The following PKD1L1 variants were observed in gnomAD, a reference collection of about 807,000 sequenced individuals.
PKD1L1 encodes the protein polycystin-1-like protein 1.
Under a neutral mutation model 323.4 loss-of-function variants are expected in PKD1L1, and 236 were observed. The ratio of observed to expected loss-of-function variants is 0.73; its 90% CI spans 0.66 to 0.81. PKD1L1 has a LOEUF of 0.81. Among genes scored for constraint, PKD1L1 ranks in the 40% least tolerant of loss-of-function variants. The probability of loss-of-function intolerance (pLI) is 0.00; values close to 1 mark genes in which losing one functional copy is unlikely to be tolerated. For missense variants in PKD1L1, 3,320 were observed against 3,508.0 expected (o/e 0.95, Z 1.35); for synonymous variants, 1,344 against 1,335.0 (o/e 1.01, Z -0.15).
chr7:47,780,466 T>C (rs1786666501), intron 56 of PKD1L1, among the ~76,000 whole-genome samples: 1 of 152,098 alleles, frequency 6.6e-6, no homozygotes, highest in Admixed American at 6.6e-5. Flanking sequence ...AACCCGTCTC[T>C]ACTAAAAATA....
intron 1 of PKD1L1, among the ~76,000 whole-genome samples, chr7:47,944,217 C>A (rs1332501071): frequency 6.6e-6 from 1 of 152,134 alleles, no homozygotes; most frequent in East Asian, 1.9e-4. Flanking sequence ...TTGGTGCTGT[C>A]TTTGTGAGTT....
intron 21 of PKD1L1, among the ~76,000 whole-genome samples, 194 bp downstream of exon 21, chr7:47,880,534 G>GTGATCT: frequency 8.0e-6 from 1 of 124,524 alleles, no homozygotes; most frequent in African/African-American, 3.8e-5. Context: ...TGCCTGCCTC[G>GTGATCT]GCCTCCCAAA....
At chr7:47,960,554 G>C in the PKD1L1 span, among the ~76,000 whole-genome samples, 4 of 151,586 alleles carry the variant, frequency 2.6e-5, no homozygotes, top group African/African-American at 9.7e-5. Context: ...CAGAACTCTG[G>C]ACAGCTGATC....
Position 47,853,124 on chromosome 7 carries a change from G to T in PKD1L1, c.4960+3C>A. The T allele has an allele frequency of 6.2e-7, 1 of 1,601,140 alleles. No homozygotes were observed. The highest frequency in any genetic ancestry group is 1.1e-5 in the South Asian group (1 of 90,824). ...GGGAAAATAAGGCGCCCTGTTCACT[G>T]ACCTTTCTGAGAAGCAGCAGGTATA... On this transcript the variant is annotated splice_donor_region_variant and intron_variant, in intron 31 of 56. Transcript: ENST00000289672.
chr7:47,880,096 G>A (rs1015471788), intron 21 of PKD1L1, among the ~76,000 whole-genome samples: 5 of 150,602 alleles, frequency 3.3e-5, no homozygotes, highest in Non-Finnish European at 4.4e-5. Flanking sequence ...AGGGTAAGGC[G>A]AGGCCTGTGG....
intron 17 of PKD1L1, among the ~76,000 whole-genome samples, chr7:47,887,007 C>A (rs753300093): frequency 6.6e-6 from 1 of 151,974 alleles, no homozygotes; most frequent in Non-Finnish European, 1.5e-5. Flanking sequence ...TGAGACATAT[C>A]TAGGGGCCAT....
intron 43 of PKD1L1, 86 bp from the exon 44 acceptor site, chr7:47,829,687 G>T: frequency 7.4e-7 from 1 of 1,345,068 alleles, no homozygotes; most frequent in South Asian, 1.4e-5. Context: ...CCCTAATCAT[G>T]AACAGGACTC....
At chr7:47,799,332 G>C (rs1471254144) in intron 54 of PKD1L1, among the ~76,000 whole-genome samples, 1 of 152,174 alleles carries the variant, frequency 6.6e-6, no homozygotes, top group Non-Finnish European at 1.5e-5. Flanking sequence ...GGGCCTGAGT[G>C]TTGTCAAGGT....
chr7:47,781,265 C>T (rs1173514082), intron 56 of PKD1L1, among the ~76,000 whole-genome samples: 2 of 151,976 alleles, frequency 1.3e-5, no homozygotes, highest in Non-Finnish European at 2.9e-5. Flanking sequence ...CTGTTGAATT[C>T]TGAGGCTTCT....
intron 31 of PKD1L1, among the ~76,000 whole-genome samples, chr7:47,851,786 G>A (rs1250203436): frequency 2.0e-5 from 3 of 152,000 alleles, no homozygotes; most frequent in African/African-American, 7.3e-5. Context: ...TTTCCTGAAT[G>A]TACAACATGC....
intron 41 of PKD1L1, among the ~76,000 whole-genome samples, chr7:47,832,844 T>C (rs1299680893): frequency 6.6e-6 from 1 of 151,980 alleles, no homozygotes; most frequent in Non-Finnish European, 1.5e-5. Context: ...AAAAAGGTTA[T>C]GAGTGTATTA....
chr7:47,863,092 G>A (rs184578075), intron 26 of PKD1L1, among the ~76,000 whole-genome samples: 63 of 152,288 alleles, frequency 4.1e-4, no homozygotes, highest in Middle Eastern at 3.4e-3. Flanking sequence ...TTCTAGCTAC[G>A]TGTTTGAGGA....
At chr7:47,935,650 A>C (rs1787854432) in intron 4 of PKD1L1, among the ~76,000 whole-genome samples, 1 of 152,236 alleles carries the variant, frequency 6.6e-6, no homozygotes, top group African/African-American at 2.4e-5. Context: ...CTAGGGGCTG[A>C]ATCATGTGCG....
rs1416818182 is a variant in PKD1L1, at chr7:47,932,038, G to T, written c.417C>A (p.Phe139Leu). 1 of 1,611,408 alleles carries T rather than the reference G, an allele frequency of 6.2e-7. No individual in the cohort carries two copies. Among genetic ancestry groups the T allele is most frequent in the Admixed American group, 1.7e-5 (1 of 59,608 alleles). Reference protein sequence around the residue: ...NSADRIPHKPFIIIARAWSSG... With the variant: ...NSADRIPHKPLIIIARAWSSG... The stretch of plus-strand genomic sequence containing the variant: ...TGCTCCAGGCCCTTGCGATTATAAT[G>T]AAAGGTTTGTGGGGAATTCTGTATG... Residue 139 changes from phenylalanine (F) to leucine (L), a missense_variant, in exon 5 of 57, where the codon TTC becomes TTA. Transcript: ENST00000289672.
chr7:47,788,671 C>T (rs1786869522), intron 56 of PKD1L1, among the ~76,000 whole-genome samples: 1 of 150,938 alleles, frequency 6.6e-6, no homozygotes, highest in Non-Finnish European at 1.5e-5. Context: ...TCTCGGCTCA[C>T]AGCAATCTCC....
At chr7:47,922,727 C>T (rs1177873474) in intron 7 of PKD1L1, among the ~76,000 whole-genome samples, 1 of 136,736 alleles carries the variant, frequency 7.3e-6, no homozygotes, top group Non-Finnish European at 1.5e-5. Flanking sequence ...GCCGCCCCGT[C>T]CGGCCAGCCG....
intron 56 of PKD1L1, among the ~76,000 whole-genome samples, chr7:47,780,730 G>A (rs1423389997): frequency 6.6e-6 from 1 of 152,206 alleles, no homozygotes; most frequent in African/African-American, 2.4e-5. Flanking sequence ...CACCCAGGTG[G>A]CTGTGTGGAT....
At chr7:47,805,450 C>T (rs1055897862) in intron 52 of PKD1L1, among the ~76,000 whole-genome samples, 3 of 152,238 alleles carry the variant, frequency 2.0e-5, no homozygotes, top group Non-Finnish European at 4.4e-5. Context: ...ACAAACAGCA[C>T]AACAGGTGCC....
chr7:47,796,274 A>C lies in PKD1L1; in HGVS notation c.8194-124T>G, dbSNP rs369839897. On this transcript the variant is annotated intron_variant, in intron 54 of 56. Transcript: ENST00000289672. ...GATGCTACTTTACGAGCTTTTGGTA[A>C]AATAGTGATTTCTTGGTGAAAAAAA... 303 of 976,132 alleles carry C rather than the reference A, an allele frequency of 3.1e-4. 1 individual carries two copies. In the African/African-American group the frequency reaches 4.6e-3, roughly 15 times the overall value. The allele number at this position is 976,132 out of a possible 1,614,324, so 60.5% of individuals were successfully genotyped here.
Sources: allele counts gnomAD v4.1 joint callset (sites outside exome capture counted in the v4.1 genomes callset), GRCh38; gene constraint gnomAD v4.1.1; transcripts MANE v1.5; gene names NCBI Gene and HGNC (gene_info 2026-07-23, HGNC 2026-07-21).